The following PTPRZ1 variants were observed in gnomAD, a reference collection of about 807,000 sequenced individuals.
PTPRZ1 encodes the protein receptor-type tyrosine-protein phosphatase zeta.
Under a neutral mutation model 214.1 loss-of-function variants are expected in PTPRZ1, and 82 were observed. The ratio of observed to expected loss-of-function variants is 0.38; its 90% CI spans 0.32 to 0.46. The LOEUF (loss-of-function observed/expected upper bound fraction) is 0.46. PTPRZ1 is among the 20% of genes least tolerant of loss of function. The pLI, the probability that PTPRZ1 is intolerant of heterozygous loss-of-function variation, is 1.00. For missense variants in PTPRZ1, 2,603 were observed against 2,748.7 expected (o/e 0.95, Z 1.19); for synonymous variants, 945 against 987.9 (o/e 0.96, Z 0.81).
In PTPRZ1 at chr7:122,011,808, C is replaced by T; in HGVS notation, c.2762C>T (p.Ser921Phe). ...AGTGATGCCATGATGCATGCACGTT[C>T]TTCAGGGCCTGAACCTTCTTATGCC... is the stretch of plus-strand genomic sequence containing the variant. ...PSSDAMMHAR[S>F]SGPEPSYALS... Residue 921 changes from serine (S) to phenylalanine (F), a missense_variant, in exon 12 of 30, where the codon TCT (serine) becomes TTT (phenylalanine). This residue lies in a region of PTPRZ1 where 1,913 missense variants were observed against 1,914.3 expected (regional missense o/e 1.00). Coordinates refer to ENST00000393386, the MANE Select transcript of PTPRZ1 (RefSeq NM_002851.3). The T allele has an allele frequency of 6.2e-7, 1 of 1,614,082 alleles. No individual in the cohort carries two copies. Among genetic ancestry groups the T allele is most frequent in the Non-Finnish European group, 8.5e-7 (1 of 1,179,942 alleles).
chr7:121,917,327 A>G lies in PTPRZ1; in HGVS notation c.59-10829A>G, dbSNP rs1350542730. Among the ~76,000 whole-genome samples the G allele has an allele frequency of 4.6e-5, 7 of 152,300 alleles. No individual in the cohort carries two copies. The South Asian group carries it at 1.2e-3, about 27-fold the overall frequency. ...AAGTGTTTAATTTTTTTAAATTGCT[A>G]GTGGGGAAATGGTTCACCCTTGAAT... On this transcript the variant is annotated intron_variant, in intron 1 of 29. Transcript: ENST00000393386.
chr7:121,992,340 G>A (rs1274634731), intron 8 of PTPRZ1, among the ~76,000 whole-genome samples: 1 of 152,172 alleles, frequency 6.6e-6, no homozygotes, highest in Non-Finnish European at 1.5e-5. Flanking sequence ...ATTTGTCACA[G>A]CCAAGGAATG....
At chr7:121,929,827 A>T (rs548197449) in intron 2 of PTPRZ1, among the ~76,000 whole-genome samples, 8 of 145,414 alleles carry the variant, frequency 5.5e-5, no homozygotes, top group South Asian at 2.2e-4. Flanking sequence ...ATAAAAATAA[A>T]AAATAAATAA....
At chr7:121,919,977 G>GA (rs199941761) in intron 1 of PTPRZ1, among the ~76,000 whole-genome samples, 3,007 of 150,958 alleles carry the variant, frequency 0.02, 91 homozygotes, top group African/African-American at 0.069. Context: ...CATTAATATG[G>GA]AAAAAAAAAT....
intron 18 of PTPRZ1, among the ~76,000 whole-genome samples, chr7:122,038,483 G>A (rs913586984): frequency 2.9e-5 from 4 of 139,672 alleles, no homozygotes; most frequent in Non-Finnish European, 6.2e-5. Flanking sequence ...CAGAATTATA[G>A]TTGTGTCAAA....
At chr7:121,879,871 CCTT>C (rs974835548) in intron 1 of PTPRZ1, among the ~76,000 whole-genome samples, 2 of 151,830 alleles carry the variant, frequency 1.3e-5, no homozygotes, top group Non-Finnish European at 1.5e-5. Context: ...TTTAATCCTT[CCTT>C]CTTTTCTTTT....
rs1489068974 is a variant in PTPRZ1 at position 122,061,330 on chromosome 7, G to A, written c.*110G>A. The A allele has an allele frequency of 6.3e-6, 7 of 1,113,436 alleles. No homozygotes were observed. Among genetic ancestry groups the A allele is most frequent in the Non-Finnish European group, 8.3e-6 (7 of 840,166 alleles). 69.0% of individuals were successfully genotyped at this position (1,113,436 alleles called of 1,614,324 possible). Reference sequence around the variant, plus strand: ...TCTGTTGATTTCCCATCACCTGACAGTAACTTTCATGACATAGGATTCTGC... The same window carrying A: ...TCTGTTGATTTCCCATCACCTGACAATAACTTTCATGACATAGGATTCTGC... On this transcript the variant is annotated 3_prime_UTR_variant, in exon 30 of 30. Transcript: ENST00000393386.
Position 121,873,305 on chromosome 7 carries a change from CTCTGTCTCTG to C in PTPRZ1, c.-191_-182del, listed in dbSNP as rs1189018420. ...GCTGTCTCTGACTGTCTCTCTCTGT[CTCTGTCTCTG>C]TCTCTCTCTCTCTCACACACACACA... is the stretch of plus-strand genomic sequence containing the variant. On this transcript the variant is annotated 5_prime_UTR_variant, in exon 1 of 30. Transcript: ENST00000393386. 4.4e-5 allele frequency: 24 copies of C among 548,472 alleles called. No individual in the cohort carries two copies. The East Asian group carries it at 6.8e-4, about 16-fold the overall frequency. 34.0% of individuals were successfully genotyped at this position (548,472 alleles called of 1,614,324 possible).
Position 121,976,825 on chromosome 7 carries a change from A to T in PTPRZ1, c.593A>T (p.Asp198Val), listed in dbSNP as rs758011095. 1 of 1,611,352 alleles carries T rather than the reference A, an allele frequency of 6.2e-7. No homozygotes were observed. The highest frequency in any genetic ancestry group is 1.1e-5 in the South Asian group (1 of 90,666). ...EENLDFKAII[D>V]GVESVSRFGK... ...AATTTGGATTTCAAAGCGATTATTG[A>T]TGGAGTCGAAAGTGTTAGTCGTTTT... The change falls in exon 6 of 30, where the codon GAT becomes GTT. Residue 198 changes from aspartate (D) to valine (V), a missense_variant. Physicochemically the swap from Asp to Val is radical, Grantham distance 152 (BLOSUM62 -3). Coordinates refer to ENST00000393386, the MANE Select transcript of PTPRZ1 (RefSeq NM_002851.3).
intron 2 of PTPRZ1, among the ~76,000 whole-genome samples, chr7:121,933,178 A>C (rs1451718966): frequency 6.7e-6 from 1 of 150,050 alleles, no homozygotes; most frequent in Admixed American, 6.6e-5. Flanking sequence ...AGATAAAGTG[A>C]AGTCATTTTA....
chr7:121,931,110 A>T (rs1036229948), intron 2 of PTPRZ1, among the ~76,000 whole-genome samples: 6 of 152,192 alleles, frequency 3.9e-5, no homozygotes, highest in Non-Finnish European at 5.9e-5. Context: ...TGAGTATTAA[A>T]GTTCTACATG....
chr7:121,891,087 G>T (rs1026413128), intron 1 of PTPRZ1, among the ~76,000 whole-genome samples: 4 of 151,912 alleles, frequency 2.6e-5, no homozygotes, highest in Admixed American at 2.0e-4. Context: ...TCTTTTCAAC[G>T]CCTTTGTTGT....
intron 1 of PTPRZ1, among the ~76,000 whole-genome samples, chr7:121,889,453 G>A (rs1436888739): frequency 6.6e-6 from 1 of 152,110 alleles, no homozygotes; most frequent in Non-Finnish European, 1.5e-5. Flanking sequence ...ATTCAATTTT[G>A]TTGCATTATA....
chr7:121,938,413 G>A (rs1796147998), intron 2 of PTPRZ1, among the ~76,000 whole-genome samples: 1 of 152,194 alleles, frequency 6.6e-6, no homozygotes, highest in Non-Finnish European at 1.5e-5. Context: ...ACTGGTAATT[G>A]GAGTGACTAT....
At position 121,962,967 on chromosome 7, in the gene PTPRZ1, A is replaced by G. The variant is rs973672531; in HGVS notation, c.125-4984A>G. 3.3e-5 allele frequency among the ~76,000 whole-genome samples: 5 copies of G among 152,160 alleles called. No homozygotes were observed. The East Asian group carries it at 9.7e-4, about 29-fold the overall frequency. On this transcript the variant is annotated intron_variant, in intron 2 of 29. Coordinates refer to ENST00000393386, the MANE Select transcript of PTPRZ1 (RefSeq NM_002851.3). ...TAGAGTGCTTTGCATGAAGAATCTC[A>G]AGTTCTTATTTTTTCAACTTCTGTT...
chr7:122,036,756 C>A, intron 18 of PTPRZ1, 74 bp downstream of exon 18: 2 of 955,776 alleles, frequency 2.1e-6, no homozygotes, highest in Non-Finnish European at 3.3e-6. Context: ...GCCATACATG[C>A]ATACATATAC....
intron 2 of PTPRZ1, among the ~76,000 whole-genome samples, chr7:121,946,645 C>T (rs1399722389): frequency 6.6e-6 from 1 of 152,028 alleles, no homozygotes; most frequent in East Asian, 1.9e-4. Flanking sequence ...ATTGCTATAA[C>T]TTCAAAATAC....
At chr7:122,049,935 T>C (rs1792116898) in intron 23 of PTPRZ1, among the ~76,000 whole-genome samples, 1 of 152,306 alleles carries the variant, frequency 6.6e-6, no homozygotes, top group South Asian at 2.1e-4. Flanking sequence ...AGAGGAATGA[T>C]GCATTTGAGG....
rs557450602 is a variant in PTPRZ1 at position 122,044,465 on chromosome 7, T to C, written c.5981T>C (p.Leu1994Pro). Residue 1994 changes from leucine (L) to proline (P), a missense_variant, in exon 23 of 30, where the codon CTT (leucine) becomes CCT (proline). Physicochemically the swap from Leu to Pro is moderately conservative, Grantham distance 98. Coordinates refer to ENST00000393386, the MANE Select transcript of PTPRZ1 (RefSeq NM_002851.3). ...FIHDTLVEAI[L>P]SKETEVLDSH... ...CATGATACACTGGTTGAGGCCATAC[T>C]TAGTAAAGAAACTGAGGTGCTGGAC... 1 of 1,613,816 alleles carries C rather than the reference T, an allele frequency of 6.2e-7. No individual in the cohort carries two copies. Among genetic ancestry groups the C allele is most frequent in the Non-Finnish European group, 8.5e-7 (1 of 1,179,828 alleles).
Sources: gnomAD v4.1 joint callset for allele counts (sites outside exome capture counted in the v4.1 genomes callset) on GRCh38, gnomAD v4.1.1 for gene constraint, gnomAD v4.1.1 regional missense constraint, MANE v1.5 for transcripts, NCBI Gene and HGNC (gene_info 2026-07-23, HGNC 2026-07-21) for gene names.